The following HID1 variants were observed in gnomAD, a reference collection of about 807,000 sequenced individuals.
The protein encoded by HID1 is HID1 domain containing.
In HID1, 42 loss-of-function variants were observed where a neutral mutation model predicts 89.7. The ratio of observed to expected loss-of-function variants is 0.47; its 90% CI spans 0.37 to 0.61. The LOEUF (loss-of-function observed/expected upper bound fraction) is 0.61. HID1 is among the 20% of genes least tolerant of loss of function. The probability of loss-of-function intolerance (pLI) is 0.00; values close to 1 mark genes in which losing one functional copy is unlikely to be tolerated. For synonymous variants in HID1, 442 were observed against 433.8 expected (o/e 1.02, Z -0.24); for missense variants, 854 against 1,039.3 (o/e 0.82, Z 2.45).
Position 74,955,932 on chromosome 17 carries a change from G to A in HID1, c.1496C>T (p.Ser499Phe). Residue 499 changes from serine (S) to phenylalanine (F), a missense_variant, in exon 13 of 19, where the codon TCC becomes TTC. Physicochemically the swap from Ser to Phe is radical, Grantham distance 155. Transcript: ENST00000425042. ...CAGCAACTTGTTGGCAGTCACCATG[G>A]ACAGGCTCTTGAGGTAGGGGGACAC... is the stretch of plus-strand genomic sequence containing the variant. Reference protein sequence around the residue: ...VNVSPYLKSLSMVTANKLLHL... With the variant: ...VNVSPYLKSLFMVTANKLLHL... The A allele has an allele frequency of 6.2e-7, 1 of 1,614,032 alleles. No homozygotes were observed. Among genetic ancestry groups the A allele is most frequent in the African/African-American group, 1.3e-5 (1 of 75,036 alleles).
chr17:74,955,906 G>A lies in HID1; in HGVS notation c.1522C>T (p.His508Tyr), dbSNP rs1358676604. 4 of 1,614,024 alleles carry A rather than the reference G, an allele frequency of 2.5e-6. No homozygotes were observed. Among genetic ancestry groups the A allele is most frequent in the African/African-American group, 2.7e-5 (2 of 74,942 alleles). The change falls in exon 13 of 19, where the codon CAC (histidine) becomes TAC (tyrosine). Residue 508 changes from histidine (H) to tyrosine (Y), a missense_variant. Physicochemically the swap from His to Tyr is moderately conservative, Grantham distance 83. Coordinates refer to ENST00000425042, the MANE Select transcript of HID1 (RefSeq NM_030630.3). ...LSMVTANKLL[H>Y]LLEAFSTTWF... ...GTGGTGGAGAAGGCCTCCAGCAGGT[G>A]CAGCAACTTGTTGGCAGTCACCATG...
intron 13 of HID1, among the ~76,000 whole-genome samples, chr17:74,955,227 AC>A (rs1281660018): frequency 6.6e-6 from 1 of 152,230 alleles, no homozygotes; most frequent in Non-Finnish European, 1.5e-5. Context: ...CCCATCAGGG[AC>A]TTACTACTCT....
Position 74,955,495 on chromosome 17 carries a change from C to A in HID1, c.1636+297G>T, listed in dbSNP as rs556502703. 1.0e-4 allele frequency among the ~76,000 whole-genome samples: 7 copies of A among 70,048 alleles called. No homozygotes were observed. The East Asian group carries it at 1.7e-3, about 17-fold the overall frequency. 46.0% of individuals were successfully genotyped at this position (70,048 alleles called of 152,430 possible). On this transcript the variant is annotated intron_variant, in intron 13 of 18. Transcript: ENST00000425042. ...CAGCCTGGGCGACAGAGTGAGACGC[C>A]GTCGGGAAAAAAAAAAAAATTTCAG... is the stretch of plus-strand genomic sequence containing the variant.
At chr17:74,951,812 C>A (rs2039304626) in intron 18 of HID1, 93 bp downstream of exon 18, 4 of 1,419,512 alleles carry the variant, frequency 2.8e-6, no homozygotes, top group Non-Finnish European at 3.8e-6. Context: ...GACATGAAGT[C>A]CACCATAGGT....
rs1170290175 is a variant in HID1, at chr17:74,962,127, T to G, written c.611+107A>C. 8.7e-7 allele frequency: 1 copy of G among 1,154,900 alleles called. No individual in the cohort carries two copies. The highest frequency in any genetic ancestry group is 2.3e-5 in the Admixed American group (1 of 44,240). The allele number at this position is 1,154,900 out of a possible 1,614,324, so 71.5% of individuals were successfully genotyped here. A position where few individuals can be genotyped will look rare whatever the true frequency, so the allele number is the denominator to read the frequency against. ...CCCCTGTAAGGTCAAGGTCGGGTCATAGGTGAGGACGGTCTTCTGGGAAGA... is the reference window on the plus strand; with the variant it reads ...CCCCTGTAAGGTCAAGGTCGGGTCAGAGGTGAGGACGGTCTTCTGGGAAGA... On this transcript the variant is annotated intron_variant, in intron 5 of 18. Coordinates refer to ENST00000425042, the MANE Select transcript of HID1 (RefSeq NM_030630.3). This position sits in a 1 kb window ranked among gnomAD's most constrained non-coding sequence, Gnocchi z 4.3.
intron 16 of HID1, 121 bp from the exon 17 acceptor site, chr17:74,952,481 A>T (rs1902092828): frequency 1.5e-6 from 1 of 682,070 alleles, no homozygotes; most frequent in African/African-American, 1.8e-5. Context: ...TCCTTGCAGC[A>T]TGAGCCTGGC....
At chr17:74,954,113 C>A in intron 14 of HID1, 25 bp downstream of exon 14, 1 of 1,563,822 alleles carries the variant, frequency 6.4e-7, no homozygotes, top group Non-Finnish European at 8.7e-7. Flanking sequence ...TATCCACACT[C>A]CTGTCCCATC....
At chr17:74,953,116 G>C in intron 15 of HID1, 30 bp from the exon 16 acceptor site, 1 of 1,536,762 alleles carries the variant, frequency 6.5e-7, no homozygotes, top group Non-Finnish European at 8.9e-7. Flanking sequence ...AGGGGTGAGG[G>C]ATGGTGGCGG....
Position 74,960,000 on chromosome 17 carries a change from T to C in HID1, c.951+26A>G, listed in dbSNP as rs546865014. 1 of 1,613,266 alleles carries C rather than the reference T, an allele frequency of 6.2e-7. No homozygotes were observed. The highest frequency in any genetic ancestry group is 1.3e-5 in the African/African-American group (1 of 75,064). On this transcript the variant is annotated intron_variant, in intron 7 of 18. Transcript: ENST00000425042. The surrounding 1 kb of genome is among the most constrained non-coding windows in gnomAD (Gnocchi z 4.6). ...CCCCACAACCCGTGGCCCCGGCAGC[T>C]GTCCCTTCCATGCTCCCATCCTTAC...
intron 14 of HID1, 47 bp downstream of exon 14, chr17:74,954,091 C>CA (rs2039349112): frequency 6.6e-7 from 1 of 1,514,698 alleles, no homozygotes; most frequent in African/African-American, 1.4e-5. Flanking sequence ...GTCCCTCCCC[C>CA]AGCCACACCA....
At position 74,960,193 on chromosome 17, in the gene HID1, C is replaced by T; in HGVS notation, c.784G>A (p.Val262Met). The T allele has an allele frequency of 6.2e-7, 1 of 1,613,726 alleles. No individual in the cohort carries two copies. Among genetic ancestry groups the T allele is most frequent in the Non-Finnish European group, 8.5e-7 (1 of 1,180,030 alleles). Residue 262 changes from valine to methionine, a missense_variant, in exon 7 of 19, where the codon GTG (valine) becomes ATG (methionine). Coordinates refer to ENST00000425042, the MANE Select transcript of HID1 (RefSeq NM_030630.3). Reference protein sequence around the residue: ...LLNTVCAYDPVGYGIPYNHLL... With the variant: ...LLNTVCAYDPMGYGIPYNHLL... ...TGGTTGTAGGGGATCCCGTAGCCCACAGGGTCATAGGCACACACGGTGTTG... is the reference window on the plus strand; with the variant it reads ...TGGTTGTAGGGGATCCCGTAGCCCATAGGGTCATAGGCACACACGGTGTTG...
rs568495347 is a variant in HID1, at chr17:74,951,477, G to T, written c.*93C>A. The T allele has an allele frequency of 1.6e-6, 2 of 1,235,326 alleles. No individual in the cohort carries two copies. The highest frequency in any genetic ancestry group is 2.3e-6 in the Non-Finnish European group (2 of 857,940). 76.5% of individuals were successfully genotyped at this position (1,235,326 alleles called of 1,614,324 possible). A position where few individuals can be genotyped will look rare whatever the true frequency, so the allele number is the denominator to read the frequency against. Reference sequence around the variant, plus strand: ...ACTCTGCCTGTTCCAGGCCCTGATCGTGGTAATTTAAAGCTCAGAATGGTG... The same window carrying T: ...ACTCTGCCTGTTCCAGGCCCTGATCTTGGTAATTTAAAGCTCAGAATGGTG... On this transcript the variant is annotated 3_prime_UTR_variant, in exon 19 of 19. Transcript: ENST00000425042.
At chr17:74,956,566 G>A (rs998320329) in intron 12 of HID1, among the ~76,000 whole-genome samples, 1 of 152,258 alleles carries the variant, frequency 6.6e-6, no homozygotes. Flanking sequence ...AACCAGCTCA[G>A]TTAAGATTTG....
chr17:74,962,355 G>T lies in HID1; in HGVS notation c.505-15C>A. On this transcript the variant is annotated splice_polypyrimidine_tract_variant and intron_variant, in intron 4 of 18. Transcript: ENST00000425042. The surrounding 1 kb of genome is among the most constrained non-coding windows in gnomAD (Gnocchi z 4.3). ...TCTGCCGAGTCCTGGGGACAGGCCA[G>T]GAAGAAGCCGGGTTAGGGGGTCGAG... 6.3e-7 allele frequency: 1 copy of T among 1,582,158 alleles called. No individual in the cohort carries two copies. The highest frequency in any genetic ancestry group is 8.7e-7 in the Non-Finnish European group (1 of 1,154,448).
At chr17:74,957,860 A>C (rs570863159) in intron 12 of HID1, 1 of 411,104 alleles carries the variant, frequency 2.4e-6, no homozygotes, top group Non-Finnish European at 4.6e-6. Context: ...AGATGGTGCC[A>C]CTGCACTCCA....
In HID1 at chr17:74,958,632, C is replaced by T; in HGVS notation, c.1240+41G>A. ...AGATAGCCAGCCCTCCACCTCGCCG[C>T]CAGGAAAGCCCCCAGCATCCCACCC... On this transcript the variant is annotated intron_variant, in intron 10 of 18. Coordinates refer to ENST00000425042, the MANE Select transcript of HID1 (RefSeq NM_030630.3). The surrounding 1 kb of genome is among the most constrained non-coding windows in gnomAD (Gnocchi z 5.2). The T allele has an allele frequency of 6.2e-7, 1 of 1,601,124 alleles. No individual in the cohort carries two copies. The highest frequency in any genetic ancestry group is 8.6e-7 in the Non-Finnish European group (1 of 1,169,024).
At chr17:74,964,801 C>A (rs2039538416) in intron 1 of HID1, among the ~76,000 whole-genome samples, 169 bp from the exon 2 acceptor site, 1 of 152,200 alleles carries the variant, frequency 6.6e-6, no homozygotes. Flanking sequence ...CCACCACAAC[C>A]CCTGGACAGC....
chr17:74,972,217 G>T lies in HID1; in HGVS notation c.66+374C>A, dbSNP rs529004048. Among the ~76,000 whole-genome samples, 1 of 151,954 alleles carries T rather than the reference G, an allele frequency of 6.6e-6. No homozygotes were observed. The highest frequency in any genetic ancestry group is 2.1e-4 in the South Asian group (1 of 4,814). The stretch of plus-strand genomic sequence containing the variant: ...CCGCGGGCAATGAGGGGCAGGGAGG[G>T]GAGCGGACGGTGGATGGGTGGGTGG... On this transcript the variant is annotated intron_variant, in intron 1 of 18. Transcript: ENST00000425042. The surrounding 1 kb of genome is among the most constrained non-coding windows in gnomAD (Gnocchi z 6.4).
At chr17:74,956,999 G>T (rs2039400899) in intron 12 of HID1, among the ~76,000 whole-genome samples, 1 of 152,208 alleles carries the variant, frequency 6.6e-6, no homozygotes, top group African/African-American at 2.4e-5. Flanking sequence ...TTTCGTGCTT[G>T]AAACACAGCT....
Sources: allele counts gnomAD v4.1 joint callset (sites outside exome capture counted in the v4.1 genomes callset), GRCh38; gene constraint gnomAD v4.1.1; non-coding constraint Gnocchi (gnomAD v3.1); transcripts MANE v1.5; gene names NCBI Gene and HGNC (gene_info 2026-07-23, HGNC 2026-07-21).